UGT2B7: variants seen among roughly 807,000 people sequenced by gnomAD.
UGT2B7 encodes UDP-glucuronosyltransferase 2B7.
In UGT2B7, 51 loss-of-function variants were observed where a neutral mutation model predicts 51.9. The ratio of observed to expected loss-of-function variants is 0.98; its 90% confidence interval spans 0.78 to 1.24. The LOEUF is 1.24. UGT2B7 is among the 50% of genes most tolerant of loss of function. UGT2B7 has a pLI of 0.00. For missense variants in UGT2B7, 727 were observed against 628.4 expected, an observed-to-expected ratio of 1.16 and a Z score of -1.68; for synonymous variants, 225 against 211.6, an observed-to-expected ratio of 1.06 and a Z score of -0.55.
intron 1 of UGT2B7, among the ~76,000 whole-genome samples, chr4:69,068,780 G>A (rs1167953748): frequency 1.3e-5 from 2 of 151,830 alleles, no homozygotes; most frequent in Admixed American, 6.6e-5. Flanking sequence ...CCATACTTTA[G>A]CACTTTTTGG....
At chr4:69,091,126 T>C (rs1719074770) in intron 2 of UGT2B7, among the ~76,000 whole-genome samples, 1 of 152,230 alleles carries the variant, frequency 6.6e-6, no homozygotes, top group African/African-American at 2.4e-5. Context: ...ACCTGCCTAA[T>C]TAAGTTTTTC....
At chr4:69,083,699 C>T (rs1031399168) in intron 1 of UGT2B7, among the ~76,000 whole-genome samples, 8 of 152,014 alleles carry the variant, frequency 5.3e-5, no homozygotes, top group African/African-American at 9.7e-5. Context: ...TATTGGAATA[C>T]GGAAACACAA....
chr4:69,105,971 A>G lies in UGT2B7; in HGVS notation c.1003-1204A>G, dbSNP rs80216095. 5.5e-3 allele frequency among the ~76,000 whole-genome samples: 843 copies of G among 152,266 alleles called. 10 individuals are homozygous for G. Among genetic ancestry groups the G allele is most frequent in the African/African-American group, 0.019 (799 of 41,582 alleles). ...TGGAAAATGAAAACTAATATAAAAT[A>G]CATAAAACAAAATAAGCACGCAGGT... On this transcript the variant is annotated intron_variant, in intron 3 of 5. Coordinates refer to ENST00000305231, the MANE Select transcript of UGT2B7 (RefSeq NM_001074.4).
At chr4:69,069,102 T>TAA (rs372073567) in intron 1 of UGT2B7, among the ~76,000 whole-genome samples, 1 of 140,388 alleles carries the variant, frequency 7.1e-6, no homozygotes, top group Non-Finnish European at 1.6e-5. Flanking sequence ...ACAGATACTT[T>TAA]AAAAAAAAAA....
At chr4:69,096,082 A>G (rs1455096034), upstream of UGT2B7, among the ~76,000 whole-genome samples, 1 of 152,172 alleles carries the variant, frequency 6.6e-6, no homozygotes, top group Non-Finnish European at 1.5e-5. Context: ...TTTACACAAT[A>G]ATTGATAAAT....
chr4:69,096,058 A>G (rs1449898318), upstream of UGT2B7, among the ~76,000 whole-genome samples: 2 of 152,226 alleles, frequency 1.3e-5, no homozygotes, highest in Non-Finnish European at 2.9e-5. Flanking sequence ...TGAATATACT[A>G]TGAAACATTA....
intron 1 of UGT2B7, among the ~76,000 whole-genome samples, chr4:69,085,210 C>T (rs748185066): frequency 6.6e-6 from 1 of 152,114 alleles, no homozygotes; most frequent in Non-Finnish European, 1.5e-5. Context: ...TTGCATTTCT[C>T]TAATGATAAT....
rs569354249 is a variant in UGT2B7, at chr4:69,112,576, G to C, written c.1430G>C (p.Arg477Pro). 1.1e-5 allele frequency: 17 copies of C among 1,613,856 alleles called. No homozygotes were observed. The South Asian group carries it at 1.5e-4, about 15-fold the overall frequency. ...CGCCACAAAGGAGCTAAACACCTTC[G>C]GGTTGCAGCCCACGACCTCACCTGG... Reference protein sequence around the residue: ...VMRHKGAKHLRVAAHDLTWFQ... With the variant: ...VMRHKGAKHLPVAAHDLTWFQ... The change falls in exon 6 of 6, where the codon CGG becomes CCG. Residue 477 changes from arginine (R) to proline (P), a missense_variant. Physicochemically the swap from Arg to Pro is moderately radical, Grantham distance 103 (BLOSUM62 -2). Transcript: ENST00000305231.
chr4:69,064,796 C>A (rs529572230), intron 1 of UGT2B7, among the ~76,000 whole-genome samples: 4 of 152,100 alleles, frequency 2.6e-5, no homozygotes, highest in African/African-American at 9.6e-5. Flanking sequence ...CTGATTCCTG[C>A]AAAAAGATGT....
rs758767058 is a variant in UGT2B7 at position 69,102,887 on chromosome 4, A to G, written c.951A>G (p.Thr317=). The G allele has an allele frequency of 5.1e-5, 82 of 1,613,604 alleles. No homozygotes were observed. In the South Asian group the frequency reaches 9.0e-4, roughly 18 times the overall value. Reference sequence around the variant, plus strand: ...TGGGGTCAATGGTCAGTAACATGACAGAAGAAAGGGCCAACGTAATTGCAT... The same window carrying G: ...TGGGGTCAATGGTCAGTAACATGACGGAAGAAAGGGCCAACGTAATTGCAT... The part of the protein sequence containing the change: ...FSLGSMVSNM[T]EERANVIASA... The change falls in exon 3 of 6, where the codon ACA becomes ACG. Residue 317 remains threonine, a synonymous_variant. Transcript: ENST00000305231.
At chr4:69,087,775 G>A (rs1718995214) in intron 1 of UGT2B7, among the ~76,000 whole-genome samples, 1 of 151,626 alleles carries the variant, frequency 6.6e-6, no homozygotes, top group African/African-American at 2.4e-5. Context: ...CTCACAAGTT[G>A]ATTTATTTAT....
upstream of UGT2B7, among the ~76,000 whole-genome samples, chr4:69,094,018 AG>A (rs1439328242): frequency 6.6e-6 from 1 of 152,114 alleles, no homozygotes; most frequent in East Asian, 1.9e-4. Flanking sequence ...TCTCATATTA[AG>A]TGTTTTCACT....
intron 1 of UGT2B7, among the ~76,000 whole-genome samples, chr4:69,097,893 T>C (rs1168256458): frequency 6.6e-6 from 1 of 152,072 alleles, no homozygotes; most frequent in Non-Finnish European, 1.5e-5. Flanking sequence ...CTATGTCTCT[T>C]TATTAGAACA....
intron 2 of UGT2B7, among the ~76,000 whole-genome samples, chr4:69,100,103 A>C (rs1281942612): frequency 1.3e-5 from 2 of 152,086 alleles, no homozygotes; most frequent in Non-Finnish European, 2.9e-5. Flanking sequence ...AGAGATTTAC[A>C]TATTACAGCA....
At chr4:69,107,721 C>G (rs1560512103) in intron 4 of UGT2B7, among the ~76,000 whole-genome samples, 1 of 152,128 alleles carries the variant, frequency 6.6e-6, no homozygotes. Context: ...TGTCCTTCCT[C>G]AATCCTAGCA....
chr4:69,108,217 A>T lies in UGT2B7; in HGVS notation c.1205A>T (p.Asn402Ile). The T allele has an allele frequency of 6.2e-7, 1 of 1,613,838 alleles. No individual in the cohort carries two copies. Among genetic ancestry groups the T allele is most frequent in the Non-Finnish European group, 8.5e-7 (1 of 1,179,762 alleles). ...CCATTGTTTGCCGATCAACCTGATAACATTGCTCACATGAAGGCCAGGGGA... is the reference window on the plus strand; with the variant it reads ...CCATTGTTTGCCGATCAACCTGATATCATTGCTCACATGAAGGCCAGGGGA... ...GIPLFADQPD[N>I]IAHMKARGAA... The change falls in exon 5 of 6, where the codon AAC becomes ATC. Residue 402 changes from asparagine to isoleucine, a missense_variant. Asn to Ile is a moderately radical substitution (Grantham distance 149). Transcript: ENST00000305231.
rs946971877 is a variant in UGT2B7, at chr4:69,079,283, T to C, written c.-158-10189T>C. Among the ~76,000 whole-genome samples the C allele has an allele frequency of 5.3e-5, 8 of 152,276 alleles. No homozygotes were observed. The East Asian group carries it at 7.7e-4, about 15-fold the overall frequency. ...GGGCCGGAAGCTCTAGCAAGGATGA[T>C]AGCAATACAAGTTGATTCTTAATTA... On this transcript the variant is annotated intron_variant, in intron 1 of 5. Transcript: ENST00000502942.
chr4:69,093,039 C>T (rs962980615), upstream of UGT2B7, among the ~76,000 whole-genome samples: 1 of 151,910 alleles, frequency 6.6e-6, no homozygotes, highest in Non-Finnish European at 1.5e-5. Context: ...ATCTCCAAAG[C>T]CCACAGGCTG....
chr4:69,075,593 A>T (rs1718685601), intron 1 of UGT2B7, among the ~76,000 whole-genome samples: 1 of 152,124 alleles, frequency 6.6e-6, no homozygotes, highest in Non-Finnish European at 1.5e-5. Context: ...TGACCTTCAG[A>T]TGATTACATC....
Sources: gnomAD v4.1 joint callset for allele counts (sites outside exome capture counted in the v4.1 genomes callset) on GRCh38, gnomAD v4.1.1 for gene constraint, MANE v1.5 for transcripts, NCBI Gene and HGNC (gene_info 2026-07-23, HGNC 2026-07-21) for gene names.